LOC128462377: variants seen among roughly 807,000 people sequenced by gnomAD.
chr16:89,399,565 T>C, the LOC128462377 span, among the ~76,000 whole-genome samples: 1 of 152,154 alleles, frequency 6.6e-6, no homozygotes, highest in Non-Finnish European at 1.5e-5. Context: ...GAAACTACTC[T>C]GTATGATACC....
chr16:89,346,552 T>C, the LOC128462377 span, among the ~76,000 whole-genome samples: 1 of 152,222 alleles, frequency 6.6e-6, no homozygotes, highest in Non-Finnish European at 1.5e-5. Context: ...AGAGTCACCT[T>C]CTGAAGTGAC....
At chr16:89,384,550 GGGATGGGAATGGGACA>G in the LOC128462377 span, among the ~76,000 whole-genome samples, 1 of 147,492 alleles carries the variant, frequency 6.8e-6, no homozygotes, top group Non-Finnish European at 1.5e-5. Flanking sequence ...GGGATGGGAT[GGGATGGGAATGGGACA>G]GGATGGGACG....
At chr16:89,356,468 A>G in the LOC128462377 span, among the ~76,000 whole-genome samples, 2 of 152,130 alleles carry the variant, frequency 1.3e-5, no homozygotes, top group African/African-American at 4.8e-5. Context: ...TTCCAATGTC[A>G]GCTCTATAAA....
chr16:89,323,155 G>A, the LOC128462377 span: 8 of 389,320 alleles, frequency 2.1e-5, no homozygotes, highest in Admixed American at 6.9e-5. Context: ...GGTCTCCAGC[G>A]GCTGCGTCAG....
At chr16:89,377,478 G>C in the LOC128462377 span, among the ~76,000 whole-genome samples, 1 of 151,960 alleles carries the variant, frequency 6.6e-6, no homozygotes, top group African/African-American at 2.4e-5. Flanking sequence ...GTGGGCCGGG[G>C]CAGGAGGGCT....
At chr16:89,416,562 T>C in the LOC128462377 span, among the ~76,000 whole-genome samples, 1 of 152,138 alleles carries the variant, frequency 6.6e-6, no homozygotes, top group Admixed American at 6.5e-5. Context: ...CATCTCAAAG[T>C]GCTGGGATTA....
chr16:89,414,625 T>A, the LOC128462377 span, among the ~76,000 whole-genome samples: 119 of 152,286 alleles, frequency 7.8e-4, no homozygotes, highest in African/African-American at 2.8e-3. Flanking sequence ...CTGTCCTGGG[T>A]AGGAGACTGA....
chr16:89,363,818 G>A, the LOC128462377 span, among the ~76,000 whole-genome samples: 2 of 152,138 alleles, frequency 1.3e-5, no homozygotes, highest in East Asian at 1.9e-4. Context: ...ACTTCAGGAG[G>A]CTGCGGCAAG....
the LOC128462377 span, among the ~76,000 whole-genome samples, chr16:89,383,806 C>T: frequency 1.3e-5 from 2 of 152,188 alleles, no homozygotes; most frequent in African/African-American, 4.8e-5. Flanking sequence ...CATGATAGCA[C>T]CCAGAGGGCA....
the LOC128462377 span, among the ~76,000 whole-genome samples, chr16:89,417,619 C>G: frequency 6.6e-6 from 1 of 152,182 alleles, no homozygotes; most frequent in African/African-American, 2.4e-5. Context: ...ACACTGGTCT[C>G]CAGCTCCTAG....
the LOC128462377 span, among the ~76,000 whole-genome samples, chr16:89,382,546 C>T: frequency 6.6e-6 from 1 of 151,880 alleles, no homozygotes; most frequent in African/African-American, 2.4e-5. Context: ...AGGCTGGTCT[C>T]GAACTCCTGA....
At chr16:89,400,969 G>A in the LOC128462377 span, among the ~76,000 whole-genome samples, 1 of 152,168 alleles carries the variant, frequency 6.6e-6, no homozygotes, top group Non-Finnish European at 1.5e-5. Flanking sequence ...CGTCTGCCCC[G>A]GGGCTGCCTG....
At chr16:89,328,986 T>C in the LOC128462377 span, 1 of 137,940 alleles carries the variant, frequency 7.2e-6, no homozygotes, top group African/African-American at 2.8e-5. Context: ...GCTGAGTGAG[T>C]GGACATACCC....
chr16:89,418,077 A>C, the LOC128462377 span, among the ~76,000 whole-genome samples: 1 of 152,232 alleles, frequency 6.6e-6, no homozygotes, highest in Non-Finnish European at 1.5e-5. Flanking sequence ...TGTGACACCA[A>C]GGATCCCATT....
the LOC128462377 span, among the ~76,000 whole-genome samples, chr16:89,323,599 G>T: frequency 1.2e-5 from 1 of 80,972 alleles, no homozygotes; most frequent in South Asian, 3.8e-4. Context: ...CAGGGGGGCT[G>T]AGCCCGGGGC....
chr16:89,402,500 G>A, the LOC128462377 span, among the ~76,000 whole-genome samples: 3 of 151,922 alleles, frequency 2.0e-5, no homozygotes, highest in Non-Finnish European at 4.4e-5. Flanking sequence ...GGAATGACAG[G>A]GAGACCCCGC....
the LOC128462377 span, among the ~76,000 whole-genome samples, chr16:89,416,963 C>T: frequency 2.6e-5 from 4 of 152,030 alleles, no homozygotes; most frequent in Non-Finnish European, 5.9e-5. Context: ...AGGCTCAGTC[C>T]ACCTCCAGAT....
At chr16:89,393,197 C>A in the LOC128462377 span, among the ~76,000 whole-genome samples, 2 of 152,180 alleles carry the variant, frequency 1.3e-5, no homozygotes, top group African/African-American at 4.8e-5. Context: ...CTTGAGAGCA[C>A]GACGCCAGCC....
the LOC128462377 span, among the ~76,000 whole-genome samples, chr16:89,387,635 T>C: frequency 3.8e-5 from 5 of 133,078 alleles, no homozygotes; most frequent in East Asian, 2.3e-4. Flanking sequence ...ACTGCACCAC[T>C]GCACTCTAGC....
Sources: gnomAD v4.1 joint callset for allele counts (sites outside exome capture counted in the v4.1 genomes callset) on GRCh38, gnomAD v4.1.1 for gene constraint, MANE v1.5 for transcripts.